The following HEG1 variants were observed in gnomAD, a reference collection of about 807,000 sequenced individuals.
HEG1 encodes the protein heart development protein with EGF like domains 1, also known as protein HEG homolog 1.
In HEG1, 56 loss-of-function variants were observed where a neutral mutation model predicts 125.6. The ratio of observed to expected loss-of-function variants is 0.45; its 90% CI spans 0.36 to 0.56. HEG1 has a LOEUF of 0.56. Among genes scored for constraint, HEG1 ranks in the 20% least tolerant of loss-of-function variants. The pLI is 0.00. For missense variants in HEG1, 1,523 were observed against 1,670.0 expected (o/e 0.91, Z 1.53); for synonymous variants, 644 against 668.5 (o/e 0.96, Z 0.57).
At position 125,055,833 on chromosome 3, in the gene HEG1, G is replaced by C. The variant is rs1937928812; in HGVS notation, c.58C>G (p.Leu20Val). The C allele has an allele frequency of 1.0e-6, 1 of 983,100 alleles. No homozygotes were observed. The highest frequency in any genetic ancestry group is 6.3e-5 in the Admixed American group (1 of 15,954). The allele number at this position is 983,100 out of a possible 1,614,324, so 60.9% of individuals were successfully genotyped here. A position where few individuals can be genotyped will look rare whatever the true frequency, so the allele number is the denominator to read the frequency against. Residue 20 changes from leucine (L) to valine (V), a missense_variant, in exon 1 of 17, where the codon CTG becomes GTG. Coordinates refer to ENST00000311127, the MANE Select transcript of HEG1 (RefSeq NM_020733.2). ...GGGGCCGCCGGCGGCAGCAGCAGCA[G>C]CGGCAGCAACAGCAGCAGGAGCGGC... Reference protein sequence around the residue: ...PPPLLLLLLPLLLLPPAAPGT... With the variant: ...PPPLLLLLLPVLLLPPAAPGT...
intron 11 of HEG1, among the ~76,000 whole-genome samples, chr3:125,000,688 C>G (rs1448424639): frequency 6.6e-6 from 1 of 152,042 alleles, no homozygotes; most frequent in Non-Finnish European, 1.5e-5. Context: ...ATCTGGCTCC[C>G]AAGCTCTGTA....
intron 14 of HEG1, 51 bp from the exon 15 acceptor site, chr3:124,977,997 T>A: frequency 7.3e-7 from 1 of 1,362,358 alleles, no homozygotes; most frequent in Non-Finnish European, 1.0e-6. Context: ...AATGAAGGAA[T>A]GAGTGAGTTC....
chr3:125,002,359 A>C (rs2107696427), intron 9 of HEG1, 44 bp from the exon 10 acceptor site: 1 of 1,549,706 alleles, frequency 6.5e-7, no homozygotes, highest in East Asian at 2.2e-5. Context: ...AGTTAGACAA[A>C]AGCCTTGGAC....
intron 14 of HEG1, among the ~76,000 whole-genome samples, chr3:124,978,514 G>A (rs997462650): frequency 1.2e-4 from 19 of 152,064 alleles, no homozygotes; most frequent in African/African-American, 1.7e-4. Context: ...CACCAGCCCC[G>A]ATGAAATTTT....
rs752055512 is a variant in HEG1 at position 125,027,300 on chromosome 3, G to A, written c.818C>T (p.Thr273Met). The A allele has an allele frequency of 3.2e-5, 51 of 1,613,842 alleles. No homozygotes were observed. The highest frequency in any genetic ancestry group is 6.7e-5 in the East Asian group (3 of 44,882). ...LPALEMGELTTPSRKRNSSGP... is the reference protein window; with the variant it reads ...LPALEMGELTMPSRKRNSSGP... ...TGAGGAATTTCTCTTCCTAGAAGGC[G>A]TGGTCAGCTCTCCCATCTCCAAAGC... Residue 273 changes from threonine (T) to methionine (M), a missense_variant, in exon 3 of 17, where the codon ACG becomes ATG. Coordinates refer to ENST00000311127, the MANE Select transcript of HEG1 (RefSeq NM_020733.2).
At chr3:124,997,656 T>C in intron 12 of HEG1, 33 bp downstream of exon 12, 1 of 1,542,178 alleles carries the variant, frequency 6.5e-7, no homozygotes. Flanking sequence ...GTCCCAGGAC[T>C]GGGCACAGAA....
intron 4 of HEG1, among the ~76,000 whole-genome samples, chr3:125,020,058 A>G (rs1264521853): frequency 1.3e-5 from 2 of 152,250 alleles, no homozygotes; most frequent in African/African-American, 4.8e-5. Flanking sequence ...CAAACCACGA[A>G]TTTGGGAATA....
rs540040225 is a variant in HEG1 at position 124,985,021 on chromosome 3, G to C, written c.3733+5766C>G. 6.6e-5 allele frequency among the ~76,000 whole-genome samples: 10 copies of C among 152,290 alleles called. No individual in the cohort carries two copies. The South Asian group carries it at 2.1e-3, about 32-fold the overall frequency. ...GGTTACAGAACAGTATGTTCAGTGAGATCCAATTTCTGTTAAAAAGACATA... is the reference window on the plus strand; with the variant it reads ...GGTTACAGAACAGTATGTTCAGTGACATCCAATTTCTGTTAAAAAGACATA... On this transcript the variant is annotated intron_variant, in intron 14 of 16. Coordinates refer to ENST00000311127, the MANE Select transcript of HEG1 (RefSeq NM_020733.2).
At chr3:124,985,737 G>T (rs1190353644) in intron 14 of HEG1, among the ~76,000 whole-genome samples, 1 of 152,184 alleles carries the variant, frequency 6.6e-6, no homozygotes, top group African/African-American at 2.4e-5. Flanking sequence ...TCCAGCAGGG[G>T]GTGAAGATTT....
At chr3:125,001,799 A>G (rs1233638977) in intron 11 of HEG1, 53 bp downstream of exon 11, 1 of 1,571,102 alleles carries the variant, frequency 6.4e-7, no homozygotes, top group Non-Finnish European at 8.7e-7. Context: ...TTTCCATCTT[A>G]GGTCTGTGCC....
chr3:124,987,504 CCTCT>C (rs777798827), intron 14 of HEG1, among the ~76,000 whole-genome samples: 2 of 151,818 alleles, frequency 1.3e-5, no homozygotes, highest in African/African-American at 2.4e-5. Flanking sequence ...TGCTGCTAAG[CCTCT>C]CTGTTTCTTT....
Position 124,968,484 on chromosome 3 carries a change from T to A in HEG1, c.*2168A>T, listed in dbSNP as rs1487860284. On this transcript the variant is annotated 3_prime_UTR_variant, in exon 17 of 17. Coordinates refer to ENST00000311127, the MANE Select transcript of HEG1 (RefSeq NM_020733.2). The stretch of plus-strand genomic sequence containing the variant: ...GGAAGAAACCCATGAACAAGAAGCA[T>A]TGTTGGAACTCACAGGACACCGTTT... 1 of 152,158 alleles carries A rather than the reference T, an allele frequency of 6.6e-6. No homozygotes were observed. Among genetic ancestry groups the A allele is most frequent in the Non-Finnish European group, 1.5e-5 (1 of 68,040 alleles). 9.4% of individuals were successfully genotyped at this position (152,158 alleles called of 1,614,324 possible). A position where few individuals can be genotyped will look rare whatever the true frequency, so the allele number is the denominator to read the frequency against.
chr3:125,024,833 C>T (rs548834656), intron 3 of HEG1, among the ~76,000 whole-genome samples: 2 of 152,212 alleles, frequency 1.3e-5, no homozygotes, highest in South Asian at 4.1e-4. Flanking sequence ...ATCATCTGGT[C>T]AAATTCCTTC....
chr3:125,012,934 G>T lies in HEG1; in HGVS notation c.2645C>A (p.Ser882Ter), dbSNP rs752436571. ...AACTAGTATTTCAGGATGGGTCAGC[G>T]AGAGCTGTTTTCCAGCTGTAGTCTG... ...AVQTTAGKQL[S>*]LTHPEILVPQ... is the part of the protein sequence containing the mutation. Residue 882 changes from serine (S) to a stop codon, truncating the protein, a stop_gained, in exon 6 of 17, where the codon TCG becomes TAG. Transcript: ENST00000311127. LOFTEE classifies it high-confidence loss of function. 1 of 1,614,058 alleles carries T rather than the reference G, an allele frequency of 6.2e-7. No homozygotes were observed. The highest frequency in any genetic ancestry group is 8.5e-7 in the Non-Finnish European group (1 of 1,179,908).
At chr3:124,974,986 C>G (rs1197969933) in intron 15 of HEG1, among the ~76,000 whole-genome samples, 7 of 152,186 alleles carry the variant, frequency 4.6e-5, no homozygotes, top group African/African-American at 1.2e-4. Flanking sequence ...GTACACCACA[C>G]AGTACAGAAC....
chr3:124,984,876 A>T (rs755511805), intron 14 of HEG1, among the ~76,000 whole-genome samples: 31 of 152,192 alleles, frequency 2.0e-4, no homozygotes, highest in Non-Finnish European at 4.0e-4. Context: ...AGGCAGTAAG[A>T]GGGGAATGGT....
At chr3:125,055,174 T>C (rs889579712) in intron 1 of HEG1, among the ~76,000 whole-genome samples, 3 of 152,138 alleles carry the variant, frequency 2.0e-5, no homozygotes, top group African/African-American at 7.2e-5. Context: ...GATGAGAAAG[T>C]CGAGCCCTGT....
In HEG1 at chr3:124,968,655, C is replaced by G. The variant is rs1486168785; in HGVS notation, c.*1997G>C. ...AGTGGAAGTGTATGCCTGGGAATAG[C>G]CTCCCTACATGGCTCTTCCCACAGC... On this transcript the variant is annotated 3_prime_UTR_variant, in exon 17 of 17. Transcript: ENST00000311127. 6.6e-6 allele frequency: 1 copy of G among 152,170 alleles called. No homozygotes were observed. The highest frequency in any genetic ancestry group is 1.5e-5 in the Non-Finnish European group (1 of 68,060). 9.4% of individuals were successfully genotyped at this position (152,170 alleles called of 1,614,324 possible). A position where few individuals can be genotyped will look rare whatever the true frequency, so the allele number is the denominator to read the frequency against.
At chr3:125,029,066 G>C (rs914848388) in intron 2 of HEG1, 129 bp downstream of exon 2, 1 of 977,138 alleles carries the variant, frequency 1.0e-6, no homozygotes, top group Admixed American at 2.4e-5. Flanking sequence ...TCACAGGTCT[G>C]ACCCACCCCA....
Sources: gnomAD v4.1 joint callset for allele counts (sites outside exome capture counted in the v4.1 genomes callset) on GRCh38, gnomAD v4.1.1 for gene constraint, MANE v1.5 for transcripts, NCBI Gene and HGNC (gene_info 2026-07-23, HGNC 2026-07-21) for gene names.